The following RRM2 variants were observed in gnomAD, a reference collection of about 807,000 sequenced individuals.
The protein encoded by RRM2 is ribonucleoside-diphosphate reductase subunit M2.
In RRM2, 6 loss-of-function variants were observed where a neutral mutation model predicts 45.9. The ratio of observed to expected loss-of-function variants is 0.13; its 90% CI spans 0.07 to 0.26. The LOEUF (loss-of-function observed/expected upper bound fraction) is 0.26, where lower values mean the gene tolerates loss of function less well. RRM2 is among the 10% of genes least tolerant of loss of function. RRM2 has a pLI of 1.00. For synonymous variants in RRM2, 177 were observed against 173.0 expected (o/e 1.02, Z -0.18); for missense variants, 343 against 489.5 (o/e 0.70, Z 2.82).
At chr2:10,203,837 G>A (rs1664615645) in intron 3 of RRM2, among the ~76,000 whole-genome samples, 1 of 151,986 alleles carries the variant, frequency 6.6e-6, no homozygotes, top group East Asian at 1.9e-4. Flanking sequence ...CAAGGGGATG[G>A]GGCTCACGGT....
At chr2:10,156,206 A>G (rs1663421175) in intron 3 of RRM2, 1 of 152,282 alleles carries the variant, frequency 6.6e-6, no homozygotes, top group Non-Finnish European at 1.5e-5. Context: ...CACACATAAA[A>G]TACACTAACA....
intron 3 of RRM2, among the ~76,000 whole-genome samples, chr2:10,178,023 G>A (rs867655291): frequency 5.3e-5 from 8 of 150,880 alleles, no homozygotes; most frequent in African/African-American, 1.7e-4. Flanking sequence ...CCAGGTTCAC[G>A]CCATTCTCCT....
chr2:10,128,451 A>T (rs1008200023), intron 7 of RRM2, among the ~76,000 whole-genome samples: 1 of 152,254 alleles, frequency 6.6e-6, no homozygotes, highest in African/African-American at 2.4e-5. Flanking sequence ...TTGAAATTGC[A>T]TACAAATTTC....
intron 5 of RRM2, chr2:10,126,640 C>T: frequency 1.9e-6 from 1 of 539,482 alleles, no homozygotes; most frequent in South Asian, 2.6e-5. Flanking sequence ...TCAATATGAA[C>T]TACAGAATAC....
Position 10,129,354 on chromosome 2 carries a change from G to C in RRM2, c.1138G>C (p.Glu380Gln). Reference protein sequence around the residue: ...QRMGVMSSPTENSFTLDADF With the variant: ...QRMGVMSSPTQNSFTLDADF The stretch of plus-strand genomic sequence containing the variant: ...GATGGGAGTGATGTCAAGTCCAACA[G>C]AGAATTCTTTTACCTTGGATGCTGA... Residue 380 changes from glutamate to glutamine, a missense_variant, in exon 10 of 10, where the codon GAG (glutamate) becomes CAG (glutamine). Coordinates refer to ENST00000304567, the MANE Select transcript of RRM2 (RefSeq NM_001034.4). The surrounding 1 kb of genome is among the most constrained non-coding windows in gnomAD (Gnocchi z 4.8). The C allele has an allele frequency of 6.2e-7, 1 of 1,613,312 alleles. No homozygotes were observed. The highest frequency in any genetic ancestry group is 8.5e-7 in the Non-Finnish European group (1 of 1,179,784).
chr2:10,166,839 A>G (rs574168667), intron 3 of RRM2, among the ~76,000 whole-genome samples: 5 of 152,172 alleles, frequency 3.3e-5, no homozygotes, highest in South Asian at 2.1e-4. Flanking sequence ...GCGTGTCTAG[A>G]TGGTGATGGT....
intron 3 of RRM2, among the ~76,000 whole-genome samples, chr2:10,157,790 G>A (rs755891326): frequency 1.3e-5 from 2 of 152,112 alleles, no homozygotes; most frequent in Admixed American, 1.3e-4. Context: ...GGCAACTAAT[G>A]GCTCAGTTTT....
chr2:10,126,257 A>G (rs1662779206), intron 5 of RRM2, among the ~76,000 whole-genome samples: 1 of 150,612 alleles, frequency 6.6e-6, no homozygotes, highest in Non-Finnish European at 1.5e-5. Flanking sequence ...ACAGTCTGGG[A>G]AATGAGTAGC....
intron 3 of RRM2, among the ~76,000 whole-genome samples, chr2:10,170,021 CCT>C (rs1162260188): frequency 1.3e-5 from 2 of 152,176 alleles, no homozygotes; most frequent in Non-Finnish European, 2.9e-5. Flanking sequence ...AGCTGATGCC[CCT>C]GCTGTCCCTG....
At chr2:10,159,415 A>C (rs1222482993) in intron 3 of RRM2, among the ~76,000 whole-genome samples, 4 of 151,726 alleles carry the variant, frequency 2.6e-5, no homozygotes, top group Non-Finnish European at 4.4e-5. Context: ...CATAGTGTCC[A>C]CTCCTGTATC....
chr2:10,128,421 A>G (rs1252833394), intron 7 of RRM2, among the ~76,000 whole-genome samples: 1 of 152,264 alleles, frequency 6.6e-6, no homozygotes, highest in African/African-American at 2.4e-5. Context: ...TTAATGCAGT[A>G]ACTTGCAAAC....
At chr2:10,207,800 A>G (rs1267114916) in intron 3 of RRM2, among the ~76,000 whole-genome samples, 4 of 151,846 alleles carry the variant, frequency 2.6e-5, no homozygotes, top group Non-Finnish European at 4.4e-5. Flanking sequence ...CACATGAGCA[A>G]TTTCACATTT....
At chr2:10,209,774 A>T (rs145710897) in intron 3 of RRM2, among the ~76,000 whole-genome samples, 1 of 152,194 alleles carries the variant, frequency 6.6e-6, no homozygotes, top group Admixed American at 6.5e-5. Flanking sequence ...CCAGAGACGG[A>T]TACAATCTGG....
intron 3 of RRM2, among the ~76,000 whole-genome samples, chr2:10,178,787 G>A (rs1663985701): frequency 6.6e-6 from 1 of 152,134 alleles, no homozygotes; most frequent in African/African-American, 2.4e-5. Flanking sequence ...TTTAAGAGGT[G>A]GGACCTTTGG....
chr2:10,172,286 GC>G lies in RRM2; in HGVS notation n.482+29912del, dbSNP rs1663820994. On this transcript the variant is annotated intron_variant and non_coding_transcript_variant, in intron 3 of 3. Transcript: ENST00000381786. The surrounding 1 kb of genome is among the most constrained non-coding windows in gnomAD (Gnocchi z 4.9). ...GTCGGATGAGATGAAGGAGGCTGGG[GC>G]TGGCACCGTGGTGGTCCCTGGGCTG... 6.6e-6 allele frequency among the ~76,000 whole-genome samples: 1 copy of G among 152,158 alleles called. No individual in the cohort carries two copies. Among genetic ancestry groups the G allele is most frequent in the Non-Finnish European group, 1.5e-5 (1 of 68,024 alleles).
At position 10,127,489 on chromosome 2, in the gene RRM2, G is replaced by C; in HGVS notation, c.798+269G>C. ...TAAAACTACAAGTTCTTTGTTTTTT[G>C]AGGTGACGGAATCTTGCTCTGTCGT... On this transcript the variant is annotated intron_variant, in intron 7 of 9. Coordinates refer to ENST00000304567, the MANE Select transcript of RRM2 (RefSeq NM_001034.4). This position sits in a 1 kb window ranked among gnomAD's most constrained non-coding sequence, Gnocchi z 4.1. 1 of 314,568 alleles carries C rather than the reference G, an allele frequency of 3.2e-6. No individual in the cohort carries two copies. The highest frequency in any genetic ancestry group is 5.9e-6 in the Non-Finnish European group (1 of 169,668). 19.5% of individuals were successfully genotyped at this position (314,568 alleles called of 1,614,324 possible).
Position 10,127,777 on chromosome 2 carries a change from C to G in RRM2, c.798+557C>G, listed in dbSNP as rs1662813872. 6.6e-6 allele frequency among the ~76,000 whole-genome samples: 1 copy of G among 152,086 alleles called. No homozygotes were observed. The highest frequency in any genetic ancestry group is 1.5e-5 in the Non-Finnish European group (1 of 68,018). ...GATTATAGGCATGAGCCACCATGCC[C>G]AGCCAAAACTACAAGTTATTGATGG... On this transcript the variant is annotated intron_variant, in intron 7 of 9. Coordinates refer to ENST00000304567, the MANE Select transcript of RRM2 (RefSeq NM_001034.4). This position sits in a 1 kb window ranked among gnomAD's most constrained non-coding sequence, Gnocchi z 4.1.
chr2:10,182,842 A>C (rs996246601), intron 3 of RRM2, among the ~76,000 whole-genome samples: 9 of 152,132 alleles, frequency 5.9e-5, no homozygotes, highest in Middle Eastern at 3.2e-3. Flanking sequence ...CAACACATCC[A>C]TGCAAGGAAA....
At chr2:10,146,876 G>T (rs1663197870) in intron 3 of RRM2, among the ~76,000 whole-genome samples, 1 of 152,136 alleles carries the variant, frequency 6.6e-6, no homozygotes, top group African/African-American at 2.4e-5. Context: ...TTCACTTTTT[G>T]TGTATTCTTT....
Sources: allele counts gnomAD v4.1 joint callset (sites outside exome capture counted in the v4.1 genomes callset), GRCh38; gene constraint gnomAD v4.1.1; non-coding constraint Gnocchi (gnomAD v3.1); transcripts MANE v1.5; gene names NCBI Gene and HGNC (gene_info 2026-07-23, HGNC 2026-07-21).